The following TSEN34 variants were observed in gnomAD, a reference collection of about 807,000 sequenced individuals.
TSEN34 encodes tRNA splicing endonuclease subunit 34, also known as tRNA-splicing endonuclease subunit Sen34.
A neutral mutation model predicts 30.2 loss-of-function variants in TSEN34; 25 were observed. The ratio of observed to expected loss-of-function variants is 0.83; its 90% CI spans 0.60 to 1.16. TSEN34 has a LOEUF of 1.16. TSEN34 is among the 50% of genes most tolerant of loss of function. The pLI, the probability that TSEN34 is intolerant of heterozygous loss-of-function variation, is 0.00. For missense variants in TSEN34, 475 were observed against 411.9 expected, an observed-to-expected ratio of 1.15 and a Z score of -1.33; for synonymous variants, 209 against 177.4, an observed-to-expected ratio of 1.18 and a Z score of -1.41.
chr19:54,189,678 G>T (rs1361042389), upstream of TSEN34: 1 of 153,570 alleles, frequency 6.5e-6, no homozygotes, highest in Admixed American at 6.5e-5. Flanking sequence ...ACGGGCTCTG[G>T]AAAGGAGGCG....
Position 54,192,992 on chromosome 19 carries a change from C to G in TSEN34, c.746-183C>G, listed in dbSNP as rs139426936. Among the ~76,000 whole-genome samples the G allele has an allele frequency of 0.016, 1,707 of 108,252 alleles. 37 individuals carry two copies. Among genetic ancestry groups the G allele is most frequent in the African/African-American group, 0.066 (1,611 of 24,386 alleles). 71.0% of individuals were successfully genotyped at this position (108,252 alleles called of 152,430 possible). A position where few individuals can be genotyped will look rare whatever the true frequency, so the allele number is the denominator to read the frequency against. On this transcript the variant is annotated intron_variant, in intron 3 of 3. Transcript: ENST00000396388. Reference sequence around the variant, plus strand: ...TGCACTCCAGCCTGGGGGACAAGAGCGAGACTTTGTCTCAAAAAAAAAAAA... The same window carrying G: ...TGCACTCCAGCCTGGGGGACAAGAGGGAGACTTTGTCTCAAAAAAAAAAAA...
chr19:54,190,836 G>T (rs2076646669), upstream of TSEN34: 2 of 1,059,308 alleles, frequency 1.9e-6, no homozygotes, highest in African/African-American at 1.7e-5. Context: ...CAGTCGTTCG[G>T]AAAGAGGAGG....
Position 54,191,864 on chromosome 19 carries a change from G to T in TSEN34, c.387G>T (p.Gln129His). Residue 129 changes from glutamine (Q) to histidine (H), a missense_variant, in exon 2 of 4, where the codon CAG becomes CAT. Gln to His is a conservative substitution (Grantham distance 24, BLOSUM62 0). Coordinates refer to ENST00000396388, the MANE Select transcript of TSEN34 (RefSeq NM_001077446.4). ...GQAAKKQKLE[Q>H]ASGASSSQEA... is the part of the protein sequence containing the mutation. ...CTGCTAAGAAGCAGAAACTAGAACAGGCTTCAGGGGCCAGCTCAAGCCAGG... is the reference window on the plus strand; with the variant it reads ...CTGCTAAGAAGCAGAAACTAGAACATGCTTCAGGGGCCAGCTCAAGCCAGG... The T allele has an allele frequency of 6.2e-7, 1 of 1,614,142 alleles. No individual in the cohort carries two copies. The highest frequency in any genetic ancestry group is 8.5e-7 in the Non-Finnish European group (1 of 1,180,010).
At chr19:54,191,164 C>G (rs78510537), upstream of TSEN34, 22,417 of 1,364,770 alleles carry the variant, frequency 0.016, 631 homozygotes, top group African/African-American at 0.11. Flanking sequence ...CTCCGGCGGC[C>G]GCGAGGCCTG....
At chr19:54,190,561 G>C, upstream of TSEN34, 2 of 1,241,314 alleles carry the variant, frequency 1.6e-6, no homozygotes, top group South Asian at 2.6e-5. Context: ...GCTGGCGCTC[G>C]GAGGGGGCGG....
Position 54,191,438 on chromosome 19 carries a change from G to A in TSEN34, c.74G>A (p.Arg25His), listed in dbSNP as rs1335265353. Residue 25 changes from arginine (R) to histidine (H), a missense_variant, in exon 1 of 4, where the codon CGC becomes CAC. Arg to His is a conservative substitution (Grantham distance 29). Transcript: ENST00000396388. Reference sequence around the variant, plus strand: ...GAGGCGGTGCAGGCCCTCCGGGAGCGCCTGGGTGTGGGGGGCCGCACGGTA... The same window carrying A: ...GAGGCGGTGCAGGCCCTCCGGGAGCACCTGGGTGTGGGGGGCCGCACGGTA... ...GAEAVQALRERLGVGGRTVGA... is the reference protein window; with the variant it reads ...GAEAVQALREHLGVGGRTVGA... 6.5e-7 allele frequency: 1 copy of A among 1,547,950 alleles called. No homozygotes were observed. The highest frequency in any genetic ancestry group is 1.2e-5 in the South Asian group (1 of 84,368).
chr19:54,191,651 C>T (rs1409830020), intron 1 of TSEN34, 44 bp downstream of exon 1: 4 of 1,609,602 alleles, frequency 2.5e-6, no homozygotes, highest in Admixed American at 1.7e-5. Context: ...GGAGCGGGAC[C>T]TGGGAGTCAA....
upstream of TSEN34, chr19:54,190,661 G>T (rs1418290232): frequency 1.6e-6 from 2 of 1,261,776 alleles, no homozygotes; most frequent in East Asian, 3.2e-5. Flanking sequence ...GGATTCGGCC[G>T]AGCCGAGAAC....
In TSEN34 at chr19:54,191,773, C is replaced by G. The variant is rs1399404275; in HGVS notation, c.296C>G (p.Ala99Gly). The change falls in exon 2 of 4, where the codon GCC becomes GGC. Residue 99 changes from alanine to glycine, a missense_variant. Transcript: ENST00000396388. The part of the protein sequence containing the change: ...QQEESFQEQS[A>G]LAAEARETRR... ...GAGGAGAGCTTCCAGGAGCAGAGCG[C>G]CTTGGCAGCTGAGGCCCGGGAGACC... 1.2e-6 allele frequency: 2 copies of G among 1,614,198 alleles called. No individual in the cohort carries two copies. The highest frequency in any genetic ancestry group is 1.3e-5 in the African/African-American group (1 of 75,064).
chr19:54,190,569 C>T (rs2076631138), upstream of TSEN34: 3 of 1,242,010 alleles, frequency 2.4e-6, no homozygotes, highest in East Asian at 3.2e-5. Context: ...TCGGAGGGGG[C>T]GGGGCCACAG....
At chr19:54,190,044 G>C (rs2076604231), upstream of TSEN34, 1 of 533,058 alleles carries the variant, frequency 1.9e-6, no homozygotes, top group Non-Finnish European at 3.3e-6. Flanking sequence ...AAGGGGGCGG[G>C]GCGAAAGCGA....
intron 3 of TSEN34, 56 bp from the exon 4 acceptor site, chr19:54,193,119 T>C: frequency 6.2e-7 from 1 of 1,610,884 alleles, no homozygotes; most frequent in Non-Finnish European, 8.5e-7. Flanking sequence ...GTCGTTCCCG[T>C]GGCGTCCAGC....
intron 3 of TSEN34, 96 bp from the exon 4 acceptor site, chr19:54,193,079 G>C: frequency 6.3e-7 from 1 of 1,598,394 alleles, no homozygotes; most frequent in Non-Finnish European, 8.5e-7. Flanking sequence ...TATAGTGATG[G>C]CTGAAATGAT....
At chr19:54,190,596 G>C, upstream of TSEN34, 1 of 1,251,722 alleles carries the variant, frequency 8.0e-7, no homozygotes, top group Non-Finnish European at 1.0e-6. Context: ...AGGCTGCCGG[G>C]AGCCGATGAC....
rs897241101 is a variant in TSEN34, at chr19:54,194,239, A to G, written c.*877A>G. On this transcript the variant is annotated 3_prime_UTR_variant, in exon 4 of 4. Coordinates refer to ENST00000396388, the MANE Select transcript of TSEN34 (RefSeq NM_001077446.4). ...TATATGTGTGTGTATATATATATAT[A>G]TTATGAAAGGAAATGAGTATTGTAA... is the stretch of plus-strand genomic sequence containing the variant. The G allele has an allele frequency of 4.6e-5, 7 of 151,916 alleles. No individual in the cohort carries two copies. Among genetic ancestry groups the G allele is most frequent in the African/African-American group, 1.7e-4 (7 of 41,354 alleles). 9.4% of individuals were successfully genotyped at this position (151,916 alleles called of 1,614,324 possible).
upstream of TSEN34, chr19:54,190,517 C>T (rs1600695835): frequency 7.5e-6 from 10 of 1,330,300 alleles, no homozygotes; most frequent in East Asian, 2.8e-4. Flanking sequence ...CTGTGGGGTT[C>T]GGTCGTAGGG....
chr19:54,193,577 C>A lies in TSEN34; in HGVS notation c.*215C>A. On this transcript the variant is annotated 3_prime_UTR_variant, in exon 4 of 4. Coordinates refer to ENST00000396388, the MANE Select transcript of TSEN34 (RefSeq NM_001077446.4). ...TAGTTACCTATTTTCACACTGTGAG[C>A]TTCCCGAGAATGGGGCCTGGGTTTG... 1 of 1,508,742 alleles carries A rather than the reference C, an allele frequency of 6.6e-7. No homozygotes were observed. Among genetic ancestry groups the A allele is most frequent in the Non-Finnish European group, 8.9e-7 (1 of 1,121,990 alleles). The allele number at this position is 1,508,742 out of a possible 1,614,324, so 93.5% of individuals were successfully genotyped here.
intron 3 of TSEN34, among the ~76,000 whole-genome samples, 188 bp from the exon 4 acceptor site, chr19:54,192,987 A>G (rs988196153): frequency 4.9e-5 from 7 of 143,774 alleles, no homozygotes; most frequent in African/African-American, 1.0e-4. Flanking sequence ...CCTGGGGGAC[A>G]AGAGCGAGAC....
chr19:54,190,621 C>T (rs529051730), upstream of TSEN34: 6 of 1,236,980 alleles, frequency 4.9e-6, no homozygotes, highest in Non-Finnish European at 5.1e-6. Context: ...GAACGCCGAA[C>T]CTATTGCGTC....
Sources: allele counts gnomAD v4.1 joint callset (sites outside exome capture counted in the v4.1 genomes callset), GRCh38; gene constraint gnomAD v4.1.1; transcripts MANE v1.5; gene names NCBI Gene and HGNC (gene_info 2026-07-23, HGNC 2026-07-21).